CNTNAP5: variants seen among roughly 807,000 people sequenced by gnomAD.
The protein encoded by CNTNAP5 is contactin associated protein family member 5.
A neutral mutation model predicts 150.2 loss-of-function variants in CNTNAP5; 72 were observed. That is an observed-to-expected ratio of 0.48 (90% CI 0.40 to 0.58). The LOEUF is 0.58. Ranked by LOEUF, CNTNAP5 falls within the 20% of genes least tolerant of loss-of-function variation. The probability of loss-of-function intolerance (pLI) is 0.00; values close to 1 mark genes in which losing one functional copy is unlikely to be tolerated. For missense variants in CNTNAP5, 1,636 were observed against 1,626.2 expected (o/e 1.01, Z -0.10); for synonymous variants, 672 against 619.8 (o/e 1.08, Z -1.25).
chr2:124,070,736 C>A (rs985123343), intron 1 of CNTNAP5, among the ~76,000 whole-genome samples: 7 of 151,944 alleles, frequency 4.6e-5, no homozygotes, highest in African/African-American at 1.7e-4. Flanking sequence ...AGATAGACTT[C>A]AATACAATAA....
At chr2:124,468,901 C>A (rs1004916935) in intron 6 of CNTNAP5, among the ~76,000 whole-genome samples, 77 of 152,220 alleles carry the variant, frequency 5.1e-4, no homozygotes, top group African/African-American at 1.8e-3. Context: ...TCAGCCTTTG[C>A]TAACCTGTCT....
intron 3 of CNTNAP5, among the ~76,000 whole-genome samples, chr2:124,317,958 T>C (rs1023383771): frequency 6.6e-6 from 1 of 152,288 alleles, no homozygotes; most frequent in African/African-American, 2.4e-5. Flanking sequence ...CTTTAAAAAT[T>C]GCAGTGTGAG....
At chr2:124,353,809 T>C (rs1401513421) in intron 3 of CNTNAP5, among the ~76,000 whole-genome samples, 4 of 152,214 alleles carry the variant, frequency 2.6e-5, no homozygotes, top group Admixed American at 2.0e-4. Context: ...ACAAGGTTTC[T>C]GGGTATTGTA....
At chr2:124,071,639 G>A (rs186372969) in intron 1 of CNTNAP5, among the ~76,000 whole-genome samples, 2 of 151,818 alleles carry the variant, frequency 1.3e-5, no homozygotes, top group East Asian at 3.9e-4. Context: ...GACATACACA[G>A]CCTGCCAAGA....
intron 17 of CNTNAP5, among the ~76,000 whole-genome samples, chr2:124,788,846 G>A (rs531112564): frequency 2.0e-5 from 3 of 151,806 alleles, no homozygotes; most frequent in Non-Finnish European, 4.4e-5. Context: ...TTGGCCAGGC[G>A]GGTCTTGAAC....
chr2:124,792,658 T>C (rs1573620734), intron 18 of CNTNAP5, among the ~76,000 whole-genome samples: 1 of 152,156 alleles, frequency 6.6e-6, no homozygotes, highest in Admixed American at 6.6e-5. Flanking sequence ...AAAAAGAAAT[T>C]CCATGTCATT....
intron 3 of CNTNAP5, among the ~76,000 whole-genome samples, chr2:124,259,586 A>C (rs960327568): frequency 5.3e-5 from 8 of 152,048 alleles, no homozygotes; most frequent in Non-Finnish European, 1.0e-4. Context: ...TGTGGTTTTG[A>C]TTTGCATTTC....
intron 3 of CNTNAP5, among the ~76,000 whole-genome samples, chr2:124,251,043 G>T (rs1012206156): frequency 6.6e-6 from 1 of 152,226 alleles, no homozygotes; most frequent in Middle Eastern, 3.4e-3. Context: ...AGCAGGCGTT[G>T]CTCTTGTGTT....
At chr2:124,612,240 C>T (rs531068715) in intron 12 of CNTNAP5, among the ~76,000 whole-genome samples, 1 of 152,194 alleles carries the variant, frequency 6.6e-6, no homozygotes, top group African/African-American at 2.4e-5. Flanking sequence ...AGAATTTCCT[C>T]AAGACATTTT....
chr2:124,042,119 G>A (rs771365311), intron 1 of CNTNAP5, among the ~76,000 whole-genome samples: 19 of 152,162 alleles, frequency 1.2e-4, no homozygotes, highest in African/African-American at 3.6e-4. Flanking sequence ...CCTCGGCCCC[G>A]CAAAGTGCTG....
intron 19 of CNTNAP5, among the ~76,000 whole-genome samples, chr2:124,826,927 CT>C (rs201432048): frequency 6.6e-6 from 1 of 151,744 alleles, no homozygotes; most frequent in Non-Finnish European, 1.5e-5. Flanking sequence ...TCTTTTCTTT[CT>C]TTTTTTTCTT....
At chr2:124,366,243 G>A (rs1014550654) in intron 3 of CNTNAP5, among the ~76,000 whole-genome samples, 3 of 152,102 alleles carry the variant, frequency 2.0e-5, no homozygotes, top group African/African-American at 7.2e-5. Flanking sequence ...CTCAAATGCA[G>A]CACTGCATAT....
At chr2:124,666,818 C>T (rs1247083046) in intron 13 of CNTNAP5, among the ~76,000 whole-genome samples, 10 of 152,144 alleles carry the variant, frequency 6.6e-5, no homozygotes, top group African/African-American at 9.7e-5. Flanking sequence ...CTGCAGGGAG[C>T]GCATCCCAGC....
At chr2:124,699,652 T>G (rs1292894211) in intron 13 of CNTNAP5, among the ~76,000 whole-genome samples, 1 of 152,156 alleles carries the variant, frequency 6.6e-6, no homozygotes, top group Non-Finnish European at 1.5e-5. Flanking sequence ...TCACCATGAA[T>G]GCTCTTAGCA....
intron 6 of CNTNAP5, among the ~76,000 whole-genome samples, chr2:124,450,556 CAAAAAAAA>C (rs11299541): frequency 2.0e-4 from 13 of 65,000 alleles, no homozygotes; most frequent in Admixed American, 3.8e-4. Flanking sequence ...AATCTGCTGT[CAAAAAAAA>C]AAAAAAAAAA....
chr2:124,210,539 C>T (rs978300585), intron 1 of CNTNAP5, among the ~76,000 whole-genome samples: 2 of 152,018 alleles, frequency 1.3e-5, no homozygotes, highest in Non-Finnish European at 2.9e-5. Flanking sequence ...TTAGTTCAGG[C>T]TACCATTATT....
chr2:124,903,603 CAATT>C (rs749917180), intron 22 of CNTNAP5, among the ~76,000 whole-genome samples: 13 of 152,074 alleles, frequency 8.5e-5, no homozygotes, highest in Admixed American at 3.3e-4. Flanking sequence ...ATTACTATCA[CAATT>C]AAATTAATCA....
chr2:124,392,927 G>A (rs2104750354), intron 3 of CNTNAP5, among the ~76,000 whole-genome samples: 1 of 152,292 alleles, frequency 6.6e-6, no homozygotes, highest in South Asian at 2.1e-4. Context: ...TACAGACAAT[G>A]AAGTCTGATG....
chr2:124,435,765 A>G (rs1172296154), intron 5 of CNTNAP5, among the ~76,000 whole-genome samples: 1 of 152,158 alleles, frequency 6.6e-6, no homozygotes, highest in Admixed American at 6.5e-5. Flanking sequence ...CCCAAAACTA[A>G]ACAATATAGG....
Sources: gnomAD v4.1 joint callset for allele counts (sites outside exome capture counted in the v4.1 genomes callset) on GRCh38, gnomAD v4.1.1 for gene constraint, MANE v1.5 for transcripts, NCBI Gene and HGNC (gene_info 2026-07-23, HGNC 2026-07-21) for gene names.